FAM43A: variants seen among roughly 807,000 people sequenced by gnomAD.
FAM43A encodes family with sequence similarity 43 member A.
Under a neutral mutation model 15.7 loss-of-function variants are expected in FAM43A, and 11 were observed. The ratio of observed to expected loss-of-function variants is 0.70; its 90% CI spans 0.44 to 1.16. The LOEUF is 1.16. Ranked by LOEUF, FAM43A falls within the 50% of genes most tolerant of loss-of-function variation. FAM43A has a pLI of 0.00. For missense variants in FAM43A, 573 were observed against 620.0 expected, an observed-to-expected ratio of 0.92 and a Z score of 0.80; for synonymous variants, 319 against 291.7, an observed-to-expected ratio of 1.09 and a Z score of -0.96.
At position 194,688,174 on chromosome 3, in the gene FAM43A, C is replaced by T. The variant is rs1445582181; in HGVS notation, c.*76C>T. The T allele has an allele frequency of 2.8e-5, 35 of 1,253,574 alleles. No homozygotes were observed. The highest frequency in any genetic ancestry group is 3.4e-5 in the Non-Finnish European group (34 of 988,744). The allele number at this position is 1,253,574 out of a possible 1,614,324, so 77.7% of individuals were successfully genotyped here. A position where few individuals can be genotyped will look rare whatever the true frequency, so the allele number is the denominator to read the frequency against. On this transcript the variant is annotated 3_prime_UTR_variant, in exon 1 of 1. Transcript: ENST00000329759. ...CGACAACCTCCCTGTCCCTTGCCCG[C>T]CCCCAGGAAGGGGGAAATGGGGCAT... is the stretch of plus-strand genomic sequence containing the variant.
rs1178788819 is a variant in FAM43A, at chr3:194,687,206, C to T, written c.380C>T (p.Ala127Val). ...GIRMVHAEER[A>V]LRRPGHLYLL... ...CGCATGGTGCACGCCGAGGAGCGCG[C>T]GCTGCGCCGCCCGGGCCACCTCTAC... Residue 127 changes from alanine (A) to valine (V), a missense_variant, in exon 1 of 1, where the codon GCG becomes GTG. Coordinates refer to ENST00000329759, the MANE Select transcript of FAM43A (RefSeq NM_153690.5). 6.2e-7 allele frequency: 1 copy of T among 1,605,526 alleles called. No homozygotes were observed. The highest frequency in any genetic ancestry group is 8.5e-7 in the Non-Finnish European group (1 of 1,179,308).
rs1199422799 is a variant in FAM43A, at chr3:194,688,019, C to G, written c.1193C>G (p.Pro398Arg). 2.1e-6 allele frequency: 3 copies of G among 1,424,324 alleles called. No homozygotes were observed. Among genetic ancestry groups the G allele is most frequent in the Non-Finnish European group, 2.8e-6 (3 of 1,090,256 alleles). The allele number at this position is 1,424,324 out of a possible 1,614,324, so 88.2% of individuals were successfully genotyped here. A position where few individuals can be genotyped will look rare whatever the true frequency, so the allele number is the denominator to read the frequency against. Residue 398 changes from proline (P) to arginine (R), a missense_variant, in exon 1 of 1, where the codon CCT (proline) becomes CGT (arginine). Coordinates refer to ENST00000329759, the MANE Select transcript of FAM43A (RefSeq NM_153690.5). ...GSESSIEGGGPDATSATAGDS... is the reference protein window; with the variant it reads ...GSESSIEGGGRDATSATAGDS... ...GAGAGCTCCATCGAGGGCGGGGGCC[C>G]TGACGCCACCTCCGCCACCGCCGGG...
rs760764227 is a variant in FAM43A, at chr3:194,686,878, C to G, written c.52C>G (p.Arg18Gly). The G allele has an allele frequency of 1.9e-6, 3 of 1,598,254 alleles. No homozygotes were observed. The Admixed American group carries it at 5.1e-5, about 27-fold the overall frequency. ...CGAGCTGCTGGCCGAGGCGCCGCCG[C>G]GGCAGGCGTCCAAGCCCAAGGGCTA... ...KFELLAEAPPRQASKPKGYAV... is the reference protein window; with the variant it reads ...KFELLAEAPPGQASKPKGYAV... Residue 18 changes from arginine to glycine, a missense_variant, in exon 1 of 1, where the codon CGG becomes GGG. Coordinates refer to ENST00000329759, the MANE Select transcript of FAM43A (RefSeq NM_153690.5).
chr3:194,686,811 G>A lies in FAM43A; in HGVS notation c.-16G>A, dbSNP rs765571816. ...GCCGCCGCCGCCGCCCAGCTGCGCC[G>A]GGGCGCCCTCCGGAGATGCTGCCGT... On this transcript the variant is annotated 5_prime_UTR_variant, in exon 1 of 1. Coordinates refer to ENST00000329759, the MANE Select transcript of FAM43A (RefSeq NM_153690.5). 7 of 1,507,198 alleles carry A rather than the reference G, an allele frequency of 4.6e-6. No homozygotes were observed. The African/African-American group carries it at 5.8e-5, about 12-fold the overall frequency. The allele number at this position is 1,507,198 out of a possible 1,614,324, so 93.4% of individuals were successfully genotyped here.
rs1322357755 is a variant in FAM43A, at chr3:194,688,271, C to G, written c.*173C>G. The G allele has an allele frequency of 1.4e-6, 1 of 722,034 alleles. No individual in the cohort carries two copies. Among genetic ancestry groups the G allele is most frequent in the Non-Finnish European group, 2.0e-6 (1 of 509,624 alleles). The allele number at this position is 722,034 out of a possible 1,614,324, so 44.7% of individuals were successfully genotyped here. A position where few individuals can be genotyped will look rare whatever the true frequency, so the allele number is the denominator to read the frequency against. ...ACCGCTTTCCCCTACCTCCCGGCCC[C>G]CGCTCCCGCCCCAGCACTTTTGGCT... On this transcript the variant is annotated 3_prime_UTR_variant, in exon 1 of 1. Transcript: ENST00000329759.
At position 194,687,774 on chromosome 3, in the gene FAM43A, T is replaced by C; in HGVS notation, c.948T>C (p.Thr316=). Residue 316 remains threonine, a synonymous_variant, in exon 1 of 1, where the codon ACT becomes ACC. Transcript: ENST00000329759. ...MHFECGDLLD[T]LENGRGEALG... is the part of the protein sequence containing the mutation. ...TTGAGTGCGGGGACTTGTTGGATAC[T>C]CTGGAGAATGGCCGTGGGGAGGCGC... is the stretch of plus-strand genomic sequence containing the variant. The C allele has an allele frequency of 6.7e-7, 1 of 1,501,942 alleles. No homozygotes were observed. The highest frequency in any genetic ancestry group is 2.4e-5 in the East Asian group (1 of 40,832). The allele number at this position is 1,501,942 out of a possible 1,614,324, so 93.0% of individuals were successfully genotyped here. A position where few individuals can be genotyped will look rare whatever the true frequency, so the allele number is the denominator to read the frequency against.
chr3:194,687,742 A>G lies in FAM43A; in HGVS notation c.916A>G (p.Met306Val). 1.3e-6 allele frequency: 2 copies of G among 1,552,126 alleles called. No homozygotes were observed. The highest frequency in any genetic ancestry group is 1.7e-6 in the Non-Finnish European group (2 of 1,146,540). ...GGCGCAGCGTGCGCTAGTGGTCGCC[A>G]TGCACTTTGAGTGCGGGGACTTGTT... Reference protein sequence around the residue: ...AEAQRALVVAMHFECGDLLDT... With the variant: ...AEAQRALVVAVHFECGDLLDT... Residue 306 changes from methionine to valine, a missense_variant, in exon 1 of 1, where the codon ATG (methionine) becomes GTG (valine). Physicochemically the swap from Met to Val is conservative, Grantham distance 21. Transcript: ENST00000329759.
chr3:194,687,315 C>A lies in FAM43A; in HGVS notation c.489C>A (p.His163Gln). The change falls in exon 1 of 1, where the codon CAC becomes CAA. Residue 163 changes from histidine to glutamine, a missense_variant. Physicochemically the swap from His to Gln is conservative, Grantham distance 24. Transcript: ENST00000329759. ...FAWVYRHELK[H>Q]KAVMLRCHAV... ...GGGTGTACCGGCACGAGCTGAAGCA[C>A]AAGGCCGTGATGCTGCGCTGCCACG... 1 of 1,556,356 alleles carries A rather than the reference C, an allele frequency of 6.4e-7. No homozygotes were observed. The highest frequency in any genetic ancestry group is 1.9e-5 in the Admixed American group (1 of 53,062).
rs1211735371 is a variant in FAM43A, at chr3:194,687,261, C to T, written c.435C>T (p.Ala145=). The T allele has an allele frequency of 1.9e-6, 3 of 1,594,816 alleles. No homozygotes were observed. The highest frequency in any genetic ancestry group is 1.7e-5 in the Admixed American group (1 of 59,028). ...YLLHRVTYCV[A]DARLPKVFAW... Reference sequence around the variant, plus strand: ...TGCACCGCGTCACCTACTGCGTGGCCGACGCGCGGCTGCCCAAGGTCTTCG... The same window carrying T: ...TGCACCGCGTCACCTACTGCGTGGCTGACGCGCGGCTGCCCAAGGTCTTCG... Residue 145 remains alanine (A), a synonymous_variant, in exon 1 of 1, where the codon GCC becomes GCT. Coordinates refer to ENST00000329759, the MANE Select transcript of FAM43A (RefSeq NM_153690.5).
Position 194,687,850 on chromosome 3 carries a change from C to T in FAM43A, c.1024C>T (p.Leu342=). 6 of 1,455,288 alleles carry T rather than the reference C, an allele frequency of 4.1e-6. No homozygotes were observed. Among genetic ancestry groups the T allele is most frequent in the Non-Finnish European group, 5.4e-6 (6 of 1,102,514 alleles). The allele number at this position is 1,455,288 out of a possible 1,614,324, so 90.1% of individuals were successfully genotyped here. A position where few individuals can be genotyped will look rare whatever the true frequency, so the allele number is the denominator to read the frequency against. ...LGPGAGPPPL[L]LGSASDMKAE... is the part of the protein sequence containing the mutation. ...CCCGGGGGCCGGGCCGCCGCCTCTG[C>T]TGCTGGGCAGCGCCTCCGACATGAA... Residue 342 remains leucine (L), a synonymous_variant, in exon 1 of 1, where the codon CTG becomes TTG. Transcript: ENST00000329759.
At position 194,686,230 on chromosome 3, in the gene FAM43A, C is replaced by T. The variant is rs1213549790; in HGVS notation, c.-597C>T. 6.6e-6 allele frequency among the ~76,000 whole-genome samples: 1 copy of T among 152,202 alleles called. No homozygotes were observed. Among genetic ancestry groups the T allele is most frequent in the Non-Finnish European group, 1.5e-5 (1 of 68,036 alleles). On this transcript the variant is annotated 5_prime_UTR_variant, in exon 1 of 1. Transcript: ENST00000329759. ...TTTGGGCGAGCTGCTGACTTGAGAC[C>T]AGCCCAAACGGGGGGCTTTCCATCT...
chr3:194,687,017 C>T lies in FAM43A; in HGVS notation c.191C>T (p.Thr64Ile). 6.2e-7 allele frequency: 1 copy of T among 1,609,928 alleles called. No individual in the cohort carries two copies. The highest frequency in any genetic ancestry group is 8.5e-7 in the Non-Finnish European group (1 of 1,176,978). Residue 64 changes from threonine to isoleucine, a missense_variant, in exon 1 of 1, where the codon ACT (threonine) becomes ATT (isoleucine). Thr to Ile is a moderately conservative substitution (Grantham distance 89). Coordinates refer to ENST00000329759, the MANE Select transcript of FAM43A (RefSeq NM_153690.5). ...FRSKRKKLHI[T>I]SEDPTYTVLY... ...TCCAAGCGCAAGAAGCTGCACATCACTAGCGAGGACCCAACTTACACCGTG... is the reference window on the plus strand; with the variant it reads ...TCCAAGCGCAAGAAGCTGCACATCATTAGCGAGGACCCAACTTACACCGTG...
In FAM43A at chr3:194,687,303, C is replaced by A; in HGVS notation, c.477C>A (p.His159Gln). ...AGGTCTTCGCCTGGGTGTACCGGCA[C>A]GAGCTGAAGCACAAGGCCGTGATGC... ...LPKVFAWVYRHELKHKAVMLR... is the reference protein window; with the variant it reads ...LPKVFAWVYRQELKHKAVMLR... Residue 159 changes from histidine (H) to glutamine (Q), a missense_variant, in exon 1 of 1, where the codon CAC becomes CAA. Physicochemically the swap from His to Gln is conservative, Grantham distance 24. Coordinates refer to ENST00000329759, the MANE Select transcript of FAM43A (RefSeq NM_153690.5). 1 of 1,563,748 alleles carries A rather than the reference C, an allele frequency of 6.4e-7. No homozygotes were observed. Among genetic ancestry groups the A allele is most frequent in the Non-Finnish European group, 8.6e-7 (1 of 1,161,774 alleles).
At position 194,687,470 on chromosome 3, in the gene FAM43A, T is replaced by C; in HGVS notation, c.644T>C (p.Leu215Pro). ...RDDARHQQQELVGAHTIPLVP... is the reference protein window; with the variant it reads ...RDDARHQQQEPVGAHTIPLVP... ...GACGCGCGTCACCAGCAGCAGGAGC[T>C]GGTGGGCGCACACACCATCCCGCTA... Residue 215 changes from leucine (L) to proline (P), a missense_variant, in exon 1 of 1, where the codon CTG becomes CCG. Transcript: ENST00000329759. 2.6e-6 allele frequency: 4 copies of C among 1,536,488 alleles called. No individual in the cohort carries two copies. Among genetic ancestry groups the C allele is most frequent in the Non-Finnish European group, 3.5e-6 (4 of 1,137,800 alleles).
Position 194,686,979 on chromosome 3 carries a change from C to T in FAM43A, c.153C>T (p.Gly51=). ...CCGAAGGCGCGCTTAGCCGGGTGGG[C>T]AGCATGTTCCGCTCCAAGCGCAAGA... is the stretch of plus-strand genomic sequence containing the variant. The part of the protein sequence containing the change: ...ACPEGALSRV[G]SMFRSKRKKL... Residue 51 remains glycine (G), a synonymous_variant, in exon 1 of 1, where the codon GGC becomes GGT. Coordinates refer to ENST00000329759, the MANE Select transcript of FAM43A (RefSeq NM_153690.5). The T allele has an allele frequency of 6.2e-7, 1 of 1,610,964 alleles. No homozygotes were observed. Among genetic ancestry groups the T allele is most frequent in the Non-Finnish European group, 8.5e-7 (1 of 1,178,074 alleles).
Position 194,688,601 on chromosome 3 carries a change from G to T in FAM43A, c.*503G>T, listed in dbSNP as rs545136411. 83 of 166,682 alleles carry T rather than the reference G, an allele frequency of 5.0e-4. No homozygotes were observed. Among genetic ancestry groups the T allele is most frequent in the Non-Finnish European group, 9.2e-4 (63 of 68,146 alleles). 10.3% of individuals were successfully genotyped at this position (166,682 alleles called of 1,614,324 possible). On this transcript the variant is annotated 3_prime_UTR_variant, in exon 1 of 1. Transcript: ENST00000329759. The stretch of plus-strand genomic sequence containing the variant: ...ACCCTTTAGCCCTTGGTTCTTTTTG[G>T]TGCAAGAATTCTGGCTGTTTACCTC...
In FAM43A at chr3:194,688,793, C is replaced by T. The variant is rs1719492196; in HGVS notation, c.*695C>T. ...CCTTCCTCTTGCTCAAAAGATCTCA[C>T]TCCATGATACTGTGTAAAATATTTT... On this transcript the variant is annotated 3_prime_UTR_variant, in exon 1 of 1. Transcript: ENST00000329759. 1.2e-5 allele frequency: 2 copies of T among 167,040 alleles called. No homozygotes were observed. Among genetic ancestry groups the T allele is most frequent in the African/African-American group, 2.4e-5 (1 of 41,438 alleles). 10.3% of individuals were successfully genotyped at this position (167,040 alleles called of 1,614,324 possible). A position where few individuals can be genotyped will look rare whatever the true frequency, so the allele number is the denominator to read the frequency against.
chr3:194,687,866 C>G lies in FAM43A; in HGVS notation c.1040C>G (p.Ser347Cys). 4 of 1,462,434 alleles carry G rather than the reference C, an allele frequency of 2.7e-6. No homozygotes were observed. Among genetic ancestry groups the G allele is most frequent in the Non-Finnish European group, 3.6e-6 (4 of 1,106,250 alleles). The allele number at this position is 1,462,434 out of a possible 1,614,324, so 90.6% of individuals were successfully genotyped here. ...CCGCCTCTGCTGCTGGGCAGCGCCT[C>G]CGACATGAAGGCTGAGCTGTCGCAA... ...GPPPLLLGSA[S>C]DMKAELSQLI... Residue 347 changes from serine to cysteine, a missense_variant, in exon 1 of 1, where the codon TCC becomes TGC. Ser to Cys is a moderately radical substitution (Grantham distance 112). Transcript: ENST00000329759.
rs1395714362 is a variant in FAM43A at position 194,687,066 on chromosome 3, C to T, written c.240C>T (p.Thr80=). The T allele has an allele frequency of 1.4e-5, 22 of 1,613,514 alleles. No individual in the cohort carries two copies. The highest frequency in any genetic ancestry group is 1.9e-5 in the Non-Finnish European group (22 of 1,179,826). Residue 80 remains threonine (T), a synonymous_variant, in exon 1 of 1, where the codon ACC becomes ACT. Transcript: ENST00000329759. ...TGCTCTACCTGGGCAATGCCACCACCATCCAGGCGCGCGGCGACGGCTGCA... is the reference window on the plus strand; with the variant it reads ...TGCTCTACCTGGGCAATGCCACCACTATCCAGGCGCGCGGCGACGGCTGCA... ...YTVLYLGNAT[T]IQARGDGCTD...
Sources: gnomAD v4.1 joint callset for allele counts (sites outside exome capture counted in the v4.1 genomes callset) on GRCh38, gnomAD v4.1.1 for gene constraint, MANE v1.5 for transcripts, NCBI Gene and HGNC (gene_info 2026-07-23, HGNC 2026-07-21) for gene names.